SLC24A2: variants seen among roughly 807,000 people sequenced by gnomAD.
SLC24A2 encodes the protein sodium/potassium/calcium exchanger 2.
In SLC24A2, 36 loss-of-function variants were observed where a neutral mutation model predicts 62.0. The ratio of observed to expected loss-of-function variants is 0.58; its 90% confidence interval spans 0.44 to 0.77. The LOEUF (loss-of-function observed/expected upper bound fraction) is 0.77, where lower values mean the gene tolerates loss of function less well. SLC24A2 is among the 30% of genes least tolerant of loss of function. The probability of loss-of-function intolerance (pLI) is 0.00; values close to 1 mark genes in which losing one functional copy is unlikely to be tolerated. For missense variants in SLC24A2, 846 were observed against 817.9 expected (o/e 1.03, Z -0.42); for synonymous variants, 358 against 294.0 (o/e 1.22, Z -2.23).
the SLC24A2 span, among the ~76,000 whole-genome samples, chr9:19,923,329 T>C: frequency 1.3e-5 from 2 of 152,234 alleles, no homozygotes; most frequent in South Asian, 2.1e-4. Context: ...ACGTTTAACA[T>C]TGAGGTGGTG....
At chr9:19,801,762 G>A in the SLC24A2 span, among the ~76,000 whole-genome samples, 4 of 152,186 alleles carry the variant, frequency 2.6e-5, no homozygotes, top group African/African-American at 9.6e-5. Flanking sequence ...CACCTTCCCA[G>A]CCAGGCTTAG....
chr9:19,713,124 T>A (rs1820761183), intron 2 of SLC24A2, among the ~76,000 whole-genome samples: 1 of 152,236 alleles, frequency 6.6e-6, no homozygotes, highest in African/African-American at 2.4e-5. Context: ...TCATATCAGA[T>A]ACTTCTTTGT....
the SLC24A2 span, among the ~76,000 whole-genome samples, chr9:20,061,710 C>G: frequency 6.6e-6 from 1 of 151,968 alleles, no homozygotes; most frequent in East Asian, 1.9e-4. Context: ...AATATCAATG[C>G]AAGAATTAAA....
chr9:20,028,595 T>G, the SLC24A2 span, among the ~76,000 whole-genome samples: 1 of 152,162 alleles, frequency 6.6e-6, no homozygotes, highest in Non-Finnish European at 1.5e-5. Flanking sequence ...CTGCCCTCAC[T>G]TCTTCCGCCT....
intron 2 of SLC24A2, among the ~76,000 whole-genome samples, chr9:19,776,294 C>T (rs1440774253): frequency 2.0e-5 from 3 of 152,182 alleles, no homozygotes; most frequent in East Asian, 1.9e-4. Context: ...CAGACAGGCT[C>T]AAGTTCAAAC....
At chr9:19,598,063 G>T (rs2132902725) in intron 4 of SLC24A2, among the ~76,000 whole-genome samples, 1 of 152,312 alleles carries the variant, frequency 6.6e-6, no homozygotes, top group South Asian at 2.1e-4. Context: ...GAGCTGGTGG[G>T]AGTGGCAGCT....
intron 2 of SLC24A2, among the ~76,000 whole-genome samples, chr9:19,657,306 T>G (rs1391870708): frequency 2.0e-5 from 3 of 152,234 alleles, no homozygotes; most frequent in African/African-American, 7.2e-5. Flanking sequence ...TGTTGTCTTA[T>G]TCCTTCTCCC....
chr9:19,803,440 GA>G, the SLC24A2 span, among the ~76,000 whole-genome samples: 1 of 152,060 alleles, frequency 6.6e-6, no homozygotes, highest in Non-Finnish European at 1.5e-5. Context: ...TGATTTCAAT[GA>G]AATATATTGA....
chr9:20,146,892 T>C, the SLC24A2 span, among the ~76,000 whole-genome samples: 1 of 151,984 alleles, frequency 6.6e-6, no homozygotes, highest in African/African-American at 2.4e-5. Flanking sequence ...TCACCTCCAC[T>C]CCCACTGCGA....
the SLC24A2 span, among the ~76,000 whole-genome samples, chr9:20,015,168 T>C: frequency 6.6e-6 from 1 of 152,192 alleles, no homozygotes; most frequent in Non-Finnish European, 1.5e-5. Context: ...TCTTCATGTA[T>C]ATAATACAGC....
At chr9:20,218,110 G>A in the SLC24A2 span, among the ~76,000 whole-genome samples, 101 of 152,246 alleles carry the variant, frequency 6.6e-4, no homozygotes, top group African/African-American at 2.3e-3. Context: ...CACATATGTT[G>A]AGCCTTGAGC....
chr9:19,592,000 T>C (rs1836566834), intron 5 of SLC24A2, among the ~76,000 whole-genome samples: 1 of 152,232 alleles, frequency 6.6e-6, no homozygotes, highest in African/African-American at 2.4e-5. Context: ...TCCTGGGCAA[T>C]GAAAAACATT....
chr9:19,820,024 TACACATATATATATATAC>T, the SLC24A2 span, among the ~76,000 whole-genome samples: 1 of 60,320 alleles, frequency 1.7e-5, no homozygotes, highest in African/African-American at 4.2e-5. Flanking sequence ...TATATATATA[TACACATATATATATATAC>T]ATATATATAT....
the SLC24A2 span, among the ~76,000 whole-genome samples, chr9:20,048,902 TC>T: frequency 1.3e-5 from 2 of 151,670 alleles, no homozygotes; most frequent in African/African-American, 2.4e-5. Flanking sequence ...CCGCTTTTTT[TC>T]CTTTTTATTT....
chr9:20,237,076 C>T, the SLC24A2 span, among the ~76,000 whole-genome samples: 5 of 152,126 alleles, frequency 3.3e-5, no homozygotes, highest in African/African-American at 1.2e-4. Flanking sequence ...AAAAGAGCAT[C>T]TAATCTGGGG....
chr9:19,671,584 G>A (rs1819417384), intron 2 of SLC24A2, among the ~76,000 whole-genome samples: 1 of 152,130 alleles, frequency 6.6e-6, no homozygotes, highest in East Asian at 1.9e-4. Context: ...AGGTCTCCCA[G>A]CACCATGTTG....
At chr9:19,582,130 T>G (rs557948051) in intron 5 of SLC24A2, among the ~76,000 whole-genome samples, 1 of 152,060 alleles carries the variant, frequency 6.6e-6, no homozygotes, top group Non-Finnish European at 1.5e-5. Context: ...GGTAGGGAAG[T>G]GCGGAAGTAA....
chr9:20,142,482 G>A, the SLC24A2 span, among the ~76,000 whole-genome samples: 5 of 146,252 alleles, frequency 3.4e-5, no homozygotes, highest in East Asian at 2.0e-4. Flanking sequence ...TTTACACTAC[G>A]TTTGTCTGAA....
At chr9:19,720,691 C>A (rs1199325894) in intron 2 of SLC24A2, among the ~76,000 whole-genome samples, 1 of 40,980 alleles carries the variant, frequency 2.4e-5, no homozygotes, top group Non-Finnish European at 4.2e-5. Flanking sequence ...CAATGACAAC[C>A]CCCCCCCCCA....
Sources: allele counts gnomAD v4.1 joint callset (sites outside exome capture counted in the v4.1 genomes callset), GRCh38; gene constraint gnomAD v4.1.1; transcripts MANE v1.5; gene names NCBI Gene and HGNC (gene_info 2026-07-23, HGNC 2026-07-21).